CDCA5: variants seen among roughly 807,000 people sequenced by gnomAD.
CDCA5 encodes the protein cell division cycle associated 5, also known as sororin.
In CDCA5, 14 loss-of-function variants were observed where a neutral mutation model predicts 25.7. The observed-to-expected ratio is 0.54, with a 90% CI of 0.36 to 0.85. The LOEUF (loss-of-function observed/expected upper bound fraction) is 0.85. CDCA5 is among the 40% of genes least tolerant of loss of function. The pLI is 0.01. For synonymous variants in CDCA5, 127 were observed against 128.7 expected (o/e 0.99, Z 0.09); for missense variants, 307 against 324.5 (o/e 0.95, Z 0.41).
chr11:65,077,049 A>G (rs1947460295), downstream of CDCA5, among the ~76,000 whole-genome samples: 1 of 152,170 alleles, frequency 6.6e-6, no homozygotes, highest in African/African-American at 2.4e-5. Flanking sequence ...ACACTTTGGG[A>G]GGCCGAGGAG....
chr11:65,064,088 T>C (rs1947209691), downstream of CDCA5, among the ~76,000 whole-genome samples: 1 of 152,128 alleles, frequency 6.6e-6, no homozygotes, highest in South Asian at 2.1e-4. Flanking sequence ...CATGTAACCT[T>C]ATTCGAGCGC....
Position 65,066,608 on chromosome 11 carries a change from ATCCTGGATGGCCTGGGCCTCC to A in CDCA5, c.486_506del (p.Glu162_Gln168del), listed in dbSNP as rs769977586. The A allele has an allele frequency of 2.4e-4, 315 of 1,289,062 alleles. 2 individuals are homozygous for A. The highest frequency in any genetic ancestry group is 8.0e-4 in the Admixed American group (35 of 43,526). The allele number at this position is 1,289,062 out of a possible 1,614,324, so 79.9% of individuals were successfully genotyped here. On this transcript the variant is annotated inframe_deletion, in exon 6 of 7. Transcript: ENST00000525464. ...TTTCCTCCTGCAGGGCCTTCACTTCATCCTGGATGGCCTGGGCCTCCTCCTGGATGGCCTGGGCTCCCTCCT... is the reference window on the plus strand; with the variant it reads ...TTTCCTCCTGCAGGGCCTTCACTTCATCCTGGATGGCCTGGGCTCCCTCCT...
At chr11:65,070,295 C>T (rs1005404440) in intron 1 of CDCA5, among the ~76,000 whole-genome samples, 3 of 152,198 alleles carry the variant, frequency 2.0e-5, no homozygotes, top group Non-Finnish European at 4.4e-5. Flanking sequence ...AAGCCACCAA[C>T]TGCTGCATGT....
chr11:65,073,235 G>A (rs1343836052), downstream of CDCA5, among the ~76,000 whole-genome samples: 5 of 151,972 alleles, frequency 3.3e-5, no homozygotes, highest in African/African-American at 7.3e-5. Context: ...GTGAGCCACC[G>A]CGCCCGGCCG....
At chr11:65,073,830 G>A (rs892982490), downstream of CDCA5, among the ~76,000 whole-genome samples, 1 of 152,232 alleles carries the variant, frequency 6.6e-6, no homozygotes, top group Non-Finnish European at 1.5e-5. Flanking sequence ...ACAGGGGAGG[G>A]CCTGCAGATG....
At chr11:65,070,018 C>G (rs1443088957) in intron 1 of CDCA5, among the ~76,000 whole-genome samples, 1 of 152,204 alleles carries the variant, frequency 6.6e-6, no homozygotes, top group Non-Finnish European at 1.5e-5. Flanking sequence ...TGCTTCGGAG[C>G]TCCAGAGAGA....
intron 1 of CDCA5, 42 bp downstream of exon 1, chr11:65,083,891 C>T: frequency 6.2e-7 from 1 of 1,608,666 alleles, no homozygotes; most frequent in Non-Finnish European, 8.5e-7. Flanking sequence ...CTGCGTCCCC[C>T]AAACGGCTCG....
At chr11:65,067,847 C>A (rs1947269021) in intron 3 of CDCA5, 1 of 894,972 alleles carries the variant, frequency 1.1e-6, no homozygotes, top group East Asian at 6.2e-5. Flanking sequence ...AAGGCCCCGG[C>A]TTCAGCAGGC....
chr11:65,066,496 T>C (rs992740849), intron 6 of CDCA5: 4 of 1,288,732 alleles, frequency 3.1e-6, no homozygotes, highest in Non-Finnish European at 4.0e-6. Flanking sequence ...ACAGCTCGAG[T>C]GAGCAGCATG....
At chr11:65,066,394 A>C in exon 7 of CDCA5, 1 of 1,211,256 alleles carries the variant, frequency 8.3e-7, no homozygotes, top group Non-Finnish European at 1.1e-6. Context: ...GGGCCTGGCC[A>C]GGCCTGACCC....
rs991885100 is a variant in CDCA5, at chr11:65,070,119, G to A, written c.64-1518C>T. 6.4e-4 allele frequency among the ~76,000 whole-genome samples: 97 copies of A among 152,258 alleles called. 5 individuals carry two copies. Among genetic ancestry groups the A allele is most frequent in the Admixed American group, 6.5e-5 (1 of 15,288 alleles). ...GTAAGCAAGAGCCGTGGGGTCCTGC[G>A]AAGGGCCCAAGACAGGGCCTGGGCT... On this transcript the variant is annotated intron_variant, in intron 1 of 6. Coordinates refer to the CDCA5 transcript ENST00000525464.
In CDCA5 at chr11:65,078,892, C is replaced by T; in HGVS notation, c.*215G>A. ...GACAGGACGACAAGAGACAGGACACCAGTGAGTGGCTGGGCCAGGCGGCCC... is the reference window on the plus strand; with the variant it reads ...GACAGGACGACAAGAGACAGGACACTAGTGAGTGGCTGGGCCAGGCGGCCC... On this transcript the variant is annotated 3_prime_UTR_variant, in exon 6 of 6. Coordinates refer to ENST00000275517, the MANE Select transcript of CDCA5 (RefSeq NM_080668.4). 1 of 1,253,160 alleles carries T rather than the reference C, an allele frequency of 8.0e-7. No homozygotes were observed. The allele number at this position is 1,253,160 out of a possible 1,614,324, so 77.6% of individuals were successfully genotyped here.
At chr11:65,076,289 A>C (rs1444532023), downstream of CDCA5, among the ~76,000 whole-genome samples, 1 of 33,030 alleles carries the variant, frequency 3.0e-5, no homozygotes, top group African/African-American at 6.8e-5. Context: ...TATTTTTTTT[A>C]CATTTTTTGT....
intron 4 of CDCA5, among the ~76,000 whole-genome samples, chr11:65,080,335 A>C (rs900442531): frequency 2.0e-5 from 3 of 152,236 alleles, no homozygotes; most frequent in African/African-American, 7.2e-5. Context: ...GCTTGTTTCC[A>C]AAATGTGCCC....
At chr11:65,073,430 G>A (rs1043196251), downstream of CDCA5, among the ~76,000 whole-genome samples, 1 of 152,202 alleles carries the variant, frequency 6.6e-6, no homozygotes, top group Non-Finnish European at 1.5e-5. Context: ...TTTCACCAGG[G>A]TGGGGCAGGT....
Position 65,078,864 on chromosome 11 carries a change from A to T in CDCA5, c.*243T>A. On this transcript the variant is annotated 3_prime_UTR_variant, in exon 6 of 6. Transcript: ENST00000275517. ...GGCTATGGTACTTTGGGGAGATAGG[A>T]AGGACAGGACGACAAGAGACAGGAC... is the stretch of plus-strand genomic sequence containing the variant. The T allele has an allele frequency of 8.2e-7, 1 of 1,221,328 alleles. No individual in the cohort carries two copies. Among genetic ancestry groups the T allele is most frequent in the Non-Finnish European group, 1.0e-6 (1 of 980,786 alleles). 75.7% of individuals were successfully genotyped at this position (1,221,328 alleles called of 1,614,324 possible). A position where few individuals can be genotyped will look rare whatever the true frequency, so the allele number is the denominator to read the frequency against.
chr11:65,071,184 T>C (rs1241527083), intron 1 of CDCA5, among the ~76,000 whole-genome samples: 1 of 151,634 alleles, frequency 6.6e-6, no homozygotes, highest in Non-Finnish European at 1.5e-5. Context: ...CCTCATGATC[T>C]GCCCGCCTTG....
At chr11:65,068,556 G>A (rs1174615295) in exon 2 of CDCA5, 4 of 1,289,434 alleles carry the variant, frequency 3.1e-6, no homozygotes, top group Middle Eastern at 2.1e-4. Flanking sequence ...TGCACCACTG[G>A]CTTGTTGGCC....
At chr11:65,061,368 T>C (rs974603745), downstream of CDCA5, among the ~76,000 whole-genome samples, 3 of 151,846 alleles carry the variant, frequency 2.0e-5, no homozygotes, top group Admixed American at 6.6e-5. Flanking sequence ...CTCACGAGAG[T>C]CCCTCAGCCA....
Sources: allele counts gnomAD v4.1 joint callset (sites outside exome capture counted in the v4.1 genomes callset), GRCh38; gene constraint gnomAD v4.1.1; transcripts MANE v1.5; gene names NCBI Gene and HGNC (gene_info 2026-07-23, HGNC 2026-07-21).